The following COL15A1 variants were observed in gnomAD, a reference collection of about 807,000 sequenced individuals.
COL15A1 encodes collagen type XV alpha 1 chain.
A neutral mutation model predicts 165.9 loss-of-function variants in COL15A1; 111 were observed. The ratio of observed to expected loss-of-function variants is 0.67; its 90% CI spans 0.57 to 0.78. The LOEUF is 0.78. Among genes scored for constraint, COL15A1 ranks in the 30% least tolerant of loss-of-function variants. COL15A1 has a pLI of 0.00. For synonymous variants in COL15A1, 659 were observed against 674.8 expected, an observed-to-expected ratio of 0.98 and a Z score of 0.36; for missense variants, 1,745 against 1,789.7, an observed-to-expected ratio of 0.98 and a Z score of 0.45.
At chr9:99,001,982 C>T (rs1838663531) in intron 7 of COL15A1, among the ~76,000 whole-genome samples, 1 of 152,152 alleles carries the variant, frequency 6.6e-6, no homozygotes, top group Non-Finnish European at 1.5e-5. Flanking sequence ...TCTTTGAGTA[C>T]AGCCCATTTC....
chr9:99,066,624 T>TTTTTTTTTTTTTTTTTTTTTTTTTTC (rs1296354575), intron 39 of COL15A1, among the ~76,000 whole-genome samples: 1 of 141,170 alleles, frequency 7.1e-6, no homozygotes, highest in Non-Finnish European at 1.5e-5. Flanking sequence ...TTTTTTTTTT[T>TTTTTTTTTTTTTTTTTTTTTTTTTTC]CACCTAAGGA....
At chr9:99,028,712 GA>G (rs1187648016) in intron 16 of COL15A1, among the ~76,000 whole-genome samples, 4 of 152,014 alleles carry the variant, frequency 2.6e-5, no homozygotes, top group Non-Finnish European at 4.4e-5. Flanking sequence ...GGGAGTGAGG[GA>G]TAAAAGAGTA....
intron 9 of COL15A1, among the ~76,000 whole-genome samples, chr9:99,011,358 T>C (rs750835617): frequency 2.9e-4 from 43 of 148,584 alleles, no homozygotes; most frequent in Non-Finnish European, 5.5e-4. Flanking sequence ...AAACAGACCA[T>C]TTCTGACATG....
At chr9:98,973,966 G>C (rs1053566348) in intron 2 of COL15A1, among the ~76,000 whole-genome samples, 1 of 152,228 alleles carries the variant, frequency 6.6e-6, no homozygotes, top group African/African-American at 2.4e-5. Flanking sequence ...AGAAGGGAAG[G>C]GACTGCTCAA....
At chr9:99,020,362 C>T (rs202232433) in intron 11 of COL15A1, 27 bp from the exon 12 acceptor site, 135 of 1,590,880 alleles carry the variant, frequency 8.5e-5, no homozygotes, top group Non-Finnish European at 1.0e-4. Flanking sequence ...GTTGTGGCCA[C>T]GTTTTAACCA....
intron 34 of COL15A1, 126 bp downstream of exon 34, chr9:99,055,498 C>T: frequency 1.6e-6 from 1 of 635,546 alleles, no homozygotes; most frequent in Non-Finnish European, 2.8e-6. Context: ...TGGGGATTAG[C>T]CAGCTCTTTC....
chr9:98,964,819 T>G (rs1304416309), intron 2 of COL15A1, among the ~76,000 whole-genome samples: 1 of 152,192 alleles, frequency 6.6e-6, no homozygotes, highest in Non-Finnish European at 1.5e-5. Context: ...GACATTGGAC[T>G]GGGTATTTTC....
At chr9:99,023,680 G>A (rs982328756) in intron 14 of COL15A1, among the ~76,000 whole-genome samples, 1 of 152,110 alleles carries the variant, frequency 6.6e-6, no homozygotes, top group South Asian at 2.1e-4. Context: ...TTTATCTTCA[G>A]GACCTCCTCA....
intron 2 of COL15A1, among the ~76,000 whole-genome samples, chr9:98,972,805 G>A (rs1470154292): frequency 6.6e-6 from 1 of 152,208 alleles, no homozygotes. Flanking sequence ...GGGTGTCTGG[G>A]AGGAAGGATG....
intron 5 of COL15A1, among the ~76,000 whole-genome samples, chr9:98,991,739 T>C (rs1838435766): frequency 6.6e-6 from 1 of 152,128 alleles, no homozygotes; most frequent in Admixed American, 6.5e-5. Context: ...AACTAATTGG[T>C]GCGTTTACAA....
chr9:98,945,119 C>T (rs916547669), intron 2 of COL15A1, among the ~76,000 whole-genome samples: 23 of 152,172 alleles, frequency 1.5e-4, no homozygotes, highest in Admixed American at 3.3e-4. Flanking sequence ...ATATACTAGG[C>T]ACAAAATAAG....
chr9:98,998,412 T>G (rs1838587527), intron 6 of COL15A1, among the ~76,000 whole-genome samples: 1 of 152,176 alleles, frequency 6.6e-6, no homozygotes, highest in Non-Finnish European at 1.5e-5. Flanking sequence ...TTTAATAACG[T>G]CATGACAGAG....
chr9:98,980,793 T>C (rs1838226529), intron 2 of COL15A1, among the ~76,000 whole-genome samples: 1 of 152,246 alleles, frequency 6.6e-6, no homozygotes, highest in South Asian at 2.1e-4. Flanking sequence ...TTCTTTTGAA[T>C]ACCACCTGAA....
chr9:99,067,132 T>G, intron 40 of COL15A1, 65 bp downstream of exon 40: 2 of 1,362,194 alleles, frequency 1.5e-6, no homozygotes, highest in Non-Finnish European at 2.0e-6. Context: ...CTGGAGGCAG[T>G]TTTCATTCCT....
At chr9:98,995,478 G>T (rs142148961) in intron 5 of COL15A1, among the ~76,000 whole-genome samples, 361 of 152,238 alleles carry the variant, frequency 2.4e-3, no homozygotes, top group African/African-American at 8.3e-3. Flanking sequence ...TGGCCCTTGG[G>T]TTCAAGCCCA....
intron 13 of COL15A1, among the ~76,000 whole-genome samples, 190 bp downstream of exon 13, chr9:99,022,340 G>A (rs1233296642): frequency 1.3e-5 from 2 of 152,194 alleles, no homozygotes; most frequent in African/African-American, 4.8e-5. Context: ...TTTAAATCCT[G>A]CACCTTGAGC....
intron 2 of COL15A1, among the ~76,000 whole-genome samples, chr9:98,954,835 T>A (rs1293640302): frequency 6.6e-6 from 1 of 152,122 alleles, no homozygotes; most frequent in East Asian, 1.9e-4. Flanking sequence ...AAGGAGCAAA[T>A]GACAACAGGT....
chr9:99,027,008 C>G (rs1839137656), intron 16 of COL15A1, among the ~76,000 whole-genome samples: 1 of 152,202 alleles, frequency 6.6e-6, no homozygotes, highest in South Asian at 2.1e-4. Flanking sequence ...GTCTGGCCTG[C>G]CTTCATCCTC....
rs747664885 is a variant in COL15A1, at chr9:99,025,939, C to T, written c.2016C>T (p.Thr672=). The part of the protein sequence containing the change: ...PEGQPGVDGA[T]GLPGMKGEKG... ...GACAGCCTGGAGTTGATGGAGCCAC[C>T]GGCCTTCCCGGGATGAAAGGGGAGA... The change falls in exon 16 of 42, where the codon ACC becomes ACT. Residue 672 remains threonine, a synonymous_variant. Coordinates refer to ENST00000375001, the MANE Select transcript of COL15A1 (RefSeq NM_001855.5). The T allele has an allele frequency of 2.2e-5, 36 of 1,612,470 alleles. No homozygotes were observed. The highest frequency in any genetic ancestry group is 3.3e-5 in the South Asian group (3 of 90,646).
Sources: allele counts gnomAD v4.1 joint callset (sites outside exome capture counted in the v4.1 genomes callset), GRCh38; gene constraint gnomAD v4.1.1; transcripts MANE v1.5; gene names NCBI Gene and HGNC (gene_info 2026-07-23, HGNC 2026-07-21).